The following CTNNA3 variants were observed in gnomAD, a reference collection of about 807,000 sequenced individuals.
CTNNA3 encodes catenin alpha 3.
Under a neutral mutation model 95.7 loss-of-function variants are expected in CTNNA3, and 76 were observed. That is an observed-to-expected ratio of 0.79 (90% CI 0.66 to 0.96). The LOEUF (loss-of-function observed/expected upper bound fraction) is 0.96, where lower values mean the gene tolerates loss of function less well. Among genes scored for constraint, CTNNA3 ranks in the 40% least tolerant of loss-of-function variants. The pLI, the probability that CTNNA3 is intolerant of heterozygous loss-of-function variation, is 0.00. For synonymous variants in CTNNA3, 431 were observed against 374.4 expected, an observed-to-expected ratio of 1.15 and a Z score of -1.74; for missense variants, 1,191 against 1,089.8, an observed-to-expected ratio of 1.09 and a Z score of -1.31.
At chr10:66,635,609 T>C (rs1430614410) in intron 9 of CTNNA3, among the ~76,000 whole-genome samples, 6 of 152,164 alleles carry the variant, frequency 3.9e-5, no homozygotes, top group Non-Finnish European at 7.4e-5. Flanking sequence ...AATGCTATCA[T>C]GGGAACAGAA....
At chr10:66,952,102 TC>T (rs1848566420) in intron 7 of CTNNA3, among the ~76,000 whole-genome samples, 1 of 151,912 alleles carries the variant, frequency 6.6e-6, no homozygotes, top group African/African-American at 2.4e-5. Flanking sequence ...GTCCATTTTC[TC>T]CCCCCAATAT....
chr10:67,740,338 C>T (rs1374793454), intron 1 of CTNNA3, among the ~76,000 whole-genome samples: 1 of 151,872 alleles, frequency 6.6e-6, no homozygotes, highest in East Asian at 1.9e-4. Flanking sequence ...AGCTTCTGCA[C>T]AGCAAAACAA....
intron 7 of CTNNA3, among the ~76,000 whole-genome samples, chr10:67,055,868 G>A (rs1925595): frequency 0.54 from 81,811 of 151,812 alleles, 22,403 homozygotes; most frequent in East Asian, 0.78. Context: ...TGGCTGTTGT[G>A]TAATCCATCA....
At chr10:66,663,987 G>C (rs899161779) in intron 9 of CTNNA3, among the ~76,000 whole-genome samples, 2 of 151,896 alleles carry the variant, frequency 1.3e-5, no homozygotes, top group Non-Finnish European at 1.5e-5. Flanking sequence ...TTTTTTGCCA[G>C]TTATTCTTTT....
At chr10:67,638,329 C>T (rs1435671964) in intron 2 of CTNNA3, among the ~76,000 whole-genome samples, 1 of 152,144 alleles carries the variant, frequency 6.6e-6, no homozygotes, top group Non-Finnish European at 1.5e-5. Flanking sequence ...TATATATGCA[C>T]CCAATACAGG....
intron 12 of CTNNA3, among the ~76,000 whole-genome samples, chr10:66,370,189 A>G (rs2092743836): frequency 6.6e-6 from 1 of 152,144 alleles, no homozygotes; most frequent in African/African-American, 2.4e-5. Flanking sequence ...AGTTTTACAG[A>G]TGAGTATATA....
chr10:66,906,029 C>A (rs1002395500), intron 7 of CTNNA3, among the ~76,000 whole-genome samples: 1 of 151,948 alleles, frequency 6.6e-6, no homozygotes. Flanking sequence ...CTTTAGAATT[C>A]CAGCTAATAA....
chr10:66,799,204 C>A (rs1841331413), intron 7 of CTNNA3, among the ~76,000 whole-genome samples: 1 of 142,966 alleles, frequency 7.0e-6, no homozygotes, highest in African/African-American at 3.0e-5. Context: ...GAATAGCTTA[C>A]AATAAAAAAT....
intron 7 of CTNNA3, among the ~76,000 whole-genome samples, chr10:67,170,818 T>C (rs1182232763): frequency 1.3e-5 from 2 of 152,190 alleles, no homozygotes; most frequent in Non-Finnish European, 2.9e-5. Context: ...CAATTCTGCA[T>C]AGTGCTATGC....
upstream of CTNNA3, among the ~76,000 whole-genome samples, chr10:67,700,814 G>T (rs143631810): frequency 3.3e-5 from 5 of 152,024 alleles, no homozygotes; most frequent in Admixed American, 2.6e-4. Flanking sequence ...GGCTTCAGAC[G>T]ATCAAACTAC....
chr10:66,840,222 T>A (rs375383726), intron 7 of CTNNA3, among the ~76,000 whole-genome samples: 1 of 152,090 alleles, frequency 6.6e-6, no homozygotes, highest in South Asian at 2.1e-4. Context: ...TGGAATATTT[T>A]TTCAACTGTT....
intron 16 of CTNNA3, among the ~76,000 whole-genome samples, chr10:65,975,213 C>T (rs1014872346): frequency 6.6e-6 from 1 of 152,012 alleles, no homozygotes; most frequent in African/African-American, 2.4e-5. Context: ...TGGACATATG[C>T]ATGAATAGAT....
chr10:67,468,486 GA>G (rs1255144580), intron 5 of CTNNA3, among the ~76,000 whole-genome samples: 2 of 152,156 alleles, frequency 1.3e-5, no homozygotes, highest in Non-Finnish European at 2.9e-5. Flanking sequence ...TGTCAGTATA[GA>G]AGTCTTTAAA....
At chr10:66,665,406 A>G (rs1462042597) in intron 9 of CTNNA3, among the ~76,000 whole-genome samples, 1 of 152,344 alleles carries the variant, frequency 6.6e-6, no homozygotes, top group Non-Finnish European at 1.5e-5. Context: ...TATTTTACAT[A>G]GTAAAGCCCT....
chr10:67,756,127 A>G (rs1313463751), intron 1 of CTNNA3, among the ~76,000 whole-genome samples: 4 of 152,150 alleles, frequency 2.6e-5, no homozygotes, highest in Admixed American at 2.6e-4. Context: ...TTATGAAGAT[A>G]GAGAGTAGAC....
intron 10 of CTNNA3, among the ~76,000 whole-genome samples, chr10:66,596,646 AC>A (rs1564557311): frequency 6.6e-6 from 1 of 150,696 alleles, no homozygotes; most frequent in Non-Finnish European, 1.5e-5. Flanking sequence ...GGTCTGAAAG[AC>A]CCCCAAAATC....
At chr10:66,686,902 G>GT (rs961404933) in intron 9 of CTNNA3, among the ~76,000 whole-genome samples, 27 of 151,712 alleles carry the variant, frequency 1.8e-4, no homozygotes, top group African/African-American at 5.1e-4. Flanking sequence ...GTTGTTTTTT[G>GT]TTTTTTTGTC....
At chr10:67,684,512 C>T (rs1840692095) in intron 1 of CTNNA3, among the ~76,000 whole-genome samples, 1 of 152,198 alleles carries the variant, frequency 6.6e-6, no homozygotes, top group Admixed American at 6.5e-5. Context: ...GGCTTCATCT[C>T]TCAATCCCCC....
chr10:67,586,710 C>A (rs931829621), intron 3 of CTNNA3, among the ~76,000 whole-genome samples: 6 of 152,102 alleles, frequency 3.9e-5, no homozygotes, highest in Admixed American at 2.0e-4. Context: ...TTCTTATAAG[C>A]AGCATATGCT....
Sources: allele counts gnomAD v4.1 joint callset (sites outside exome capture counted in the v4.1 genomes callset), GRCh38; gene constraint gnomAD v4.1.1; transcripts MANE v1.5; gene names NCBI Gene and HGNC (gene_info 2026-07-23, HGNC 2026-07-21).